The following NAV2 variants were observed in gnomAD, a reference collection of about 807,000 sequenced individuals.
NAV2 encodes helicase, APC down-regulated 1.
A neutral mutation model predicts 223.2 loss-of-function variants in NAV2; 54 were observed. The observed-to-expected ratio is 0.24, with a 90% CI of 0.19 to 0.30. The LOEUF (loss-of-function observed/expected upper bound fraction) is 0.30, where lower values mean the gene tolerates loss of function less well. NAV2 is among the 10% of genes least tolerant of loss of function. NAV2 has a pLI of 1.00. For missense variants in NAV2, 2,806 were observed against 3,147.5 expected, an observed-to-expected ratio of 0.89 and a Z score of 2.60; for synonymous variants, 1,279 against 1,239.3, an observed-to-expected ratio of 1.03 and a Z score of -0.67.
At chr11:19,958,543 T>C (rs7123051) in intron 10 of NAV2, among the ~76,000 whole-genome samples, 149,875 of 152,272 alleles carry the variant, frequency 0.98, 73,800 homozygotes, top group Middle Eastern at 1. Context: ...CTGGTTCCAC[T>C]ACTCTTAGCT....
At position 20,044,271 on chromosome 11, in the gene NAV2, T is replaced by C. The variant is rs2057226489; in HGVS notation, c.3198T>C (p.Thr1066=). 6.2e-7 allele frequency: 1 copy of C among 1,605,000 alleles called. No homozygotes were observed. The highest frequency in any genetic ancestry group is 8.5e-7 in the Non-Finnish European group (1 of 1,172,944). The change falls in exon 13 of 38, where the codon ACT becomes ACC. Residue 1066 remains threonine, a splice_region_variant and synonymous_variant. Coordinates refer to ENST00000349880, the MANE Select transcript of NAV2 (RefSeq NM_145117.5). ...CAGGCGCACTGAAGACCCCAGGAACTGGTAAGAGGCCGGGGCTGTCTTGGC... is the reference window on the plus strand; with the variant it reads ...CAGGCGCACTGAAGACCCCAGGAACCGGTAAGAGGCCGGGGCTGTCTTGGC... ...APAGALKTPG[T]GKTDDAKVSE...
At chr11:19,787,283 T>TTTTTTTTTTTTTTTTTTTTTTTTG (rs2057195968) in intron 1 of NAV2, among the ~76,000 whole-genome samples, 1 of 139,432 alleles carries the variant, frequency 7.2e-6, no homozygotes, top group Non-Finnish European at 1.5e-5. Flanking sequence ...TTTTTTTTTT[T>TTTTTTTTTTTTTTTTTTTTTTTTG]TTTTTTTTTT....
intron 1 of NAV2, among the ~76,000 whole-genome samples, chr11:19,720,259 G>C (rs1221606537): frequency 1.3e-5 from 2 of 152,244 alleles, no homozygotes; most frequent in African/African-American, 4.8e-5. Flanking sequence ...AATGGGCCAT[G>C]TGATTTTGGG....
chr11:19,622,287 C>T (rs1157661415), intron 1 of NAV2, among the ~76,000 whole-genome samples: 1 of 152,150 alleles, frequency 6.6e-6, no homozygotes, highest in Non-Finnish European at 1.5e-5. Flanking sequence ...TGGTGCAGAG[C>T]TGAGTTCAAT....
At chr11:20,093,074 G>A (rs1278383516) in intron 28 of NAV2, 25 bp from the exon 29 acceptor site, 1 of 1,555,290 alleles carries the variant, frequency 6.4e-7, no homozygotes, top group Non-Finnish European at 8.8e-7. Context: ...ATGTGCCTAA[G>A]GCTGTTGATG....
In NAV2 at chr11:20,093,037, T is replaced by G. The variant is rs780978341; in HGVS notation, c.5816-62T>G. 12 of 942,918 alleles carry G rather than the reference T, an allele frequency of 1.3e-5. No homozygotes were observed. In the African/African-American group the frequency reaches 2.1e-4, roughly 17 times the overall value. The allele number at this position is 942,918 out of a possible 1,614,324, so 58.4% of individuals were successfully genotyped here. Reference sequence around the variant, plus strand: ...CTGCTGTGCCAACCTGCAGCGGGGGTGTCAGGAAGCTGGCTTTGCTGTCCC... The same window carrying G: ...CTGCTGTGCCAACCTGCAGCGGGGGGGTCAGGAAGCTGGCTTTGCTGTCCC... On this transcript the variant is annotated intron_variant, in intron 28 of 37. Transcript: ENST00000349880.
chr11:19,966,120 T>C (rs904567569), intron 10 of NAV2, among the ~76,000 whole-genome samples: 11 of 152,184 alleles, frequency 7.2e-5, no homozygotes, highest in African/African-American at 2.7e-4. Context: ...GACTGTCCCT[T>C]CTGCCATACT....
At chr11:19,987,279 C>G (rs1013793597) in intron 11 of NAV2, among the ~76,000 whole-genome samples, 1 of 152,164 alleles carries the variant, frequency 6.6e-6, no homozygotes, top group African/African-American at 2.4e-5. Flanking sequence ...ATAATTGACC[C>G]GAATTCTTTC....
Position 20,083,018 on chromosome 11 carries a change from C to A in NAV2, c.5337C>A (p.Ser1779=). 1 of 1,613,174 alleles carries A rather than the reference C, an allele frequency of 6.2e-7. No individual in the cohort carries two copies. Among genetic ancestry groups the A allele is most frequent in the Non-Finnish European group, 8.5e-7 (1 of 1,179,486 alleles). Residue 1779 remains serine, a synonymous_variant, in exon 26 of 38, where the codon TCC becomes TCA. Transcript: ENST00000349880. ...TCTTGTATATTCAGTTACGCAGCTCCTTCAAGCAAGCTTTCGGGAAGAAGA... is the reference window on the plus strand; with the variant it reads ...TCTTGTATATTCAGTTACGCAGCTCATTCAAGCAAGCTTTCGGGAAGAAGA... The part of the protein sequence containing the change: ...KKKRKNWLRS[S]FKQAFGKKKS...
chr11:20,046,187 T>A (rs956937370), intron 14 of NAV2, among the ~76,000 whole-genome samples: 2 of 144,332 alleles, frequency 1.4e-5, no homozygotes, highest in Non-Finnish European at 3.1e-5. Context: ...TACAAAAAAA[T>A]TAGCCTGGCA....
chr11:19,500,103 A>G lies in NAV2; in HGVS notation c.75+149076A>G, dbSNP rs150768743. ...GAACCACTTGGTTCTGAGTCTGGCCAAGTGATATGTCTTAGCCAATGGTAT... is the reference window on the plus strand; with the variant it reads ...GAACCACTTGGTTCTGAGTCTGGCCGAGTGATATGTCTTAGCCAATGGTAT... On this transcript the variant is annotated intron_variant, in intron 1 of 37. Coordinates refer to the NAV2 transcript ENST00000360655. Among the ~76,000 whole-genome samples the G allele has an allele frequency of 7.6e-3, 1,162 of 152,284 alleles. 3 individuals are homozygous for G. Among genetic ancestry groups the G allele is most frequent in the Middle Eastern group, 0.041 (12 of 294 alleles).
At chr11:19,915,075 A>G (rs2043684495) in intron 6 of NAV2, among the ~76,000 whole-genome samples, 1 of 152,140 alleles carries the variant, frequency 6.6e-6, no homozygotes, top group Non-Finnish European at 1.5e-5. Flanking sequence ...TGTCTTCCAC[A>G]GTTGGAGTAG....
chr11:19,821,801 T>G (rs1590731355), intron 1 of NAV2, among the ~76,000 whole-genome samples: 1 of 152,226 alleles, frequency 6.6e-6, no homozygotes, highest in Non-Finnish European at 1.5e-5. Context: ...GGAAACACTG[T>G]GATGGGTATT....
At chr11:19,578,175 T>A (rs1474393444) in intron 1 of NAV2, among the ~76,000 whole-genome samples, 1 of 152,220 alleles carries the variant, frequency 6.6e-6, no homozygotes, top group Non-Finnish European at 1.5e-5. Flanking sequence ...GCATCTCCAG[T>A]GCAGAGTGCC....
chr11:19,545,352 C>A (rs1019988438), intron 1 of NAV2, among the ~76,000 whole-genome samples: 1 of 152,164 alleles, frequency 6.6e-6, no homozygotes, highest in Non-Finnish European at 1.5e-5. Flanking sequence ...TTCCTCCAAG[C>A]CTCTTTGGTT....
chr11:19,859,225 G>C (rs1342247720), intron 3 of NAV2, among the ~76,000 whole-genome samples: 1 of 142,238 alleles, frequency 7.0e-6, no homozygotes, highest in African/African-American at 2.6e-5. Context: ...ATAGTGGAGG[G>C]AAGGTCAGCA....
rs1401195495 is a variant in NAV2, at chr11:19,946,280, C to G, written c.2147-121C>G. ...CATTCATTGTCAAATCCTTATTAAG[C>G]ACCCACAGCAAGGCACGTGCTGAGC... On this transcript the variant is annotated intron_variant, in intron 8 of 37. Coordinates refer to ENST00000349880, the MANE Select transcript of NAV2 (RefSeq NM_145117.5). 5.1e-5 allele frequency: 38 copies of G among 745,704 alleles called. No individual in the cohort carries two copies. In the Admixed American group the frequency reaches 1.4e-3, roughly 28 times the overall value. 46.2% of individuals were successfully genotyped at this position (745,704 alleles called of 1,614,324 possible).
intron 1 of NAV2, among the ~76,000 whole-genome samples, chr11:19,687,961 G>A (rs940636990): frequency 6.6e-6 from 1 of 152,128 alleles, no homozygotes; most frequent in Admixed American, 6.5e-5. Flanking sequence ...GTGCCCTAGC[G>A]CTGACTCTCA....
intron 26 of NAV2, among the ~76,000 whole-genome samples, chr11:20,086,889 G>A (rs886582957): frequency 1.3e-5 from 2 of 152,128 alleles, no homozygotes; most frequent in African/African-American, 4.8e-5. Flanking sequence ...AATTTGAGAT[G>A]CCAGCAGACA....
Sources: gnomAD v4.1 joint callset for allele counts (sites outside exome capture counted in the v4.1 genomes callset) on GRCh38, gnomAD v4.1.1 for gene constraint, MANE v1.5 for transcripts, NCBI Gene and HGNC (gene_info 2026-07-23, HGNC 2026-07-21) for gene names.